Variants in TBC1D14 observed in about 807,000 individuals in gnomAD.
TBC1D14 encodes the protein TBC1 domain family member 14.
TBC1D14 carries 26 observed loss-of-function variants against 79.0 expected under a neutral mutation model. The observed-to-expected ratio is 0.33, with a 90% CI of 0.24 to 0.46. The LOEUF is 0.46. TBC1D14 is among the 20% of genes least tolerant of loss of function. The pLI, the probability that TBC1D14 is intolerant of heterozygous loss-of-function variation, is 1.00. For missense variants in TBC1D14, 769 were observed against 887.6 expected (o/e 0.87, Z 1.70); for synonymous variants, 394 against 349.9 (o/e 1.13, Z -1.40).
intron 5 of TBC1D14, among the ~76,000 whole-genome samples, chr4:6,998,060 G>T (rs1719250418): frequency 6.6e-6 from 1 of 152,144 alleles, no homozygotes; most frequent in African/African-American, 2.4e-5. Flanking sequence ...TCTCAGAGCT[G>T]CTATTTGTAG....
intron 5 of TBC1D14, 132 bp from the exon 6 acceptor site, chr4:6,998,953 G>T (rs34221933): frequency 2.6e-5 from 19 of 738,538 alleles, no homozygotes; most frequent in Admixed American, 9.0e-5. Context: ...TGAAGTGAGC[G>T]CTGGAGCTGA....
At chr4:6,994,874 A>AG (rs1275215524) in intron 4 of TBC1D14, among the ~76,000 whole-genome samples, 1 of 152,140 alleles carries the variant, frequency 6.6e-6, no homozygotes, top group East Asian at 1.9e-4. Context: ...CAAAAAAAAA[A>AG]AAAAAAAGAA....
Position 6,970,683 on chromosome 4 carries a change from C to T in TBC1D14, c.843+3259C>T, listed in dbSNP as rs184355544. On this transcript the variant is annotated intron_variant, in intron 3 of 13. Transcript: ENST00000409757. Reference sequence around the variant, plus strand: ...AGCTGGGGTCAGGTGTTCACACTGGCCAGGAGCTTTGGACCTGCCTCAAGG... The same window carrying T: ...AGCTGGGGTCAGGTGTTCACACTGGTCAGGAGCTTTGGACCTGCCTCAAGG... Among the ~76,000 whole-genome samples, 796 of 151,896 alleles carry T rather than the reference C, an allele frequency of 5.2e-3. 4 individuals are homozygous for T. The highest frequency in any genetic ancestry group is 6.6e-3 in the Non-Finnish European group (447 of 67,962).
intron 2 of TBC1D14, among the ~76,000 whole-genome samples, chr4:6,961,374 C>T (rs1715174170): frequency 6.6e-6 from 1 of 151,326 alleles, no homozygotes; most frequent in South Asian, 2.1e-4. Context: ...ACTCCCCATT[C>T]TTGTCAACTG....
intron 9 of TBC1D14, chr4:7,007,622 T>G: frequency 7.8e-7 from 1 of 1,288,442 alleles, no homozygotes; most frequent in Non-Finnish European, 1.0e-6. Flanking sequence ...GGTCCTGGTG[T>G]CTGGTGCGTG....
At chr4:6,971,094 T>C (rs1716186683) in intron 3 of TBC1D14, among the ~76,000 whole-genome samples, 1 of 151,886 alleles carries the variant, frequency 6.6e-6, no homozygotes, top group African/African-American at 2.4e-5. Flanking sequence ...AAGGAGCCTG[T>C]GGTTGAGCTG....
chr4:7,024,927 A>C, intron 12 of TBC1D14, 77 bp from the exon 13 acceptor site: 1 of 1,573,458 alleles, frequency 6.4e-7, no homozygotes, highest in Non-Finnish European at 8.6e-7. Context: ...TTTTTCATGG[A>C]ATCAGACTGG....
chr4:6,911,808 G>C (rs1228224097), intron 1 of TBC1D14, among the ~76,000 whole-genome samples: 3 of 152,222 alleles, frequency 2.0e-5, no homozygotes, highest in African/African-American at 7.2e-5. Context: ...TTGAGTCCCA[G>C]CCTCAGCACA....
At chr4:7,006,119 A>G (rs1166937694) in intron 8 of TBC1D14, among the ~76,000 whole-genome samples, 1 of 152,170 alleles carries the variant, frequency 6.6e-6, no homozygotes. Context: ...GTGGGCAGAT[A>G]AGGCCAGGAG....
chr4:7,002,870 T>C (rs1232500589), intron 7 of TBC1D14, among the ~76,000 whole-genome samples: 2 of 152,198 alleles, frequency 1.3e-5, no homozygotes, highest in Non-Finnish European at 2.9e-5. Flanking sequence ...TATTTAATAT[T>C]GACAGTGCGA....
At chr4:6,984,472 G>C (rs1717645214) in intron 3 of TBC1D14, among the ~76,000 whole-genome samples, 1 of 148,950 alleles carries the variant, frequency 6.7e-6, no homozygotes, top group African/African-American at 2.6e-5. Flanking sequence ...ATTCGGTGTG[G>C]TTTGGAAATA....
intron 1 of TBC1D14, among the ~76,000 whole-genome samples, chr4:6,921,103 G>A (rs986553489): frequency 7.2e-5 from 11 of 152,146 alleles, no homozygotes; most frequent in African/African-American, 2.7e-4. Flanking sequence ...ATAAAAGATA[G>A]CAGTTGATGC....
chr4:7,024,910 G>C, intron 12 of TBC1D14, 94 bp from the exon 13 acceptor site: 1 of 1,535,932 alleles, frequency 6.5e-7, no homozygotes, highest in Non-Finnish European at 8.9e-7. Context: ...AAGTGACTAG[G>C]GGAGTGTTTT....
At chr4:7,004,381 A>G (rs1026878851) in intron 7 of TBC1D14, among the ~76,000 whole-genome samples, 3 of 152,226 alleles carry the variant, frequency 2.0e-5, no homozygotes, top group African/African-American at 4.8e-5. Context: ...CAATTGCACC[A>G]TGTCCTTTCT....
chr4:6,950,652 A>C (rs920161526), intron 2 of TBC1D14, among the ~76,000 whole-genome samples: 2 of 152,168 alleles, frequency 1.3e-5, no homozygotes, highest in African/African-American at 4.8e-5. Flanking sequence ...GTTGTATTTT[A>C]TTAAATGCTT....
At chr4:6,915,909 G>A (rs1016670822) in intron 1 of TBC1D14, among the ~76,000 whole-genome samples, 4 of 151,630 alleles carry the variant, frequency 2.6e-5, no homozygotes, top group Admixed American at 6.6e-5. Context: ...GAGGTCAGGG[G>A]TTCAAAACCA....
chr4:6,949,311 C>T (rs1713794585), intron 2 of TBC1D14, among the ~76,000 whole-genome samples: 1 of 152,028 alleles, frequency 6.6e-6, no homozygotes, highest in South Asian at 2.1e-4. Context: ...ATCAGTTTGG[C>T]AGATTGTACA....
upstream of TBC1D14, chr4:6,909,789 G>A (rs1182495455): frequency 6.7e-6 from 1 of 148,538 alleles, no homozygotes; most frequent in South Asian, 2.1e-4. Context: ...GCGAAGCGAG[G>A]GTGCGCGCCG....
chr4:6,988,606 C>T (rs1718128992), intron 3 of TBC1D14, among the ~76,000 whole-genome samples: 2 of 152,248 alleles, frequency 1.3e-5, no homozygotes, highest in South Asian at 4.1e-4. Context: ...TCCAGGCGCG[C>T]TCCCAAATCC....
Sources: gnomAD v4.1 joint callset for allele counts (sites outside exome capture counted in the v4.1 genomes callset) on GRCh38, gnomAD v4.1.1 for gene constraint, MANE v1.5 for transcripts, NCBI Gene and HGNC (gene_info 2026-07-23, HGNC 2026-07-21) for gene names.